Variants in NNT observed in about 807,000 individuals in gnomAD.
The protein encoded by NNT is nicotinamide nucleotide transhydrogenase, also known as NAD(P) transhydrogenase, mitochondrial.
A neutral mutation model predicts 104.8 loss-of-function variants in NNT; 50 were observed. That is an observed-to-expected ratio of 0.48 (90% CI 0.38 to 0.60). The LOEUF (loss-of-function observed/expected upper bound fraction) is 0.60, where lower values mean the gene tolerates loss of function less well. Ranked by LOEUF, NNT falls within the 20% of genes least tolerant of loss-of-function variation. The probability of loss-of-function intolerance (pLI) is 0.00; values close to 1 mark genes in which losing one functional copy is unlikely to be tolerated. For synonymous variants in NNT, 461 were observed against 490.4 expected (o/e 0.94, Z 0.79); for missense variants, 1,131 against 1,330.7 (o/e 0.85, Z 2.33).
chr5:43,621,496 T>A (rs1436641314), intron 5 of NNT, among the ~76,000 whole-genome samples: 1 of 151,876 alleles, frequency 6.6e-6, no homozygotes, highest in East Asian at 1.9e-4. Flanking sequence ...CCAGTGGGGG[T>A]CATAGTGAGG....
chr5:43,679,012 A>G (rs1030937034), intron 19 of NNT, among the ~76,000 whole-genome samples: 1 of 152,182 alleles, frequency 6.6e-6, no homozygotes, highest in Admixed American at 6.5e-5. Flanking sequence ...TTCTGTGACA[A>G]GATTTTCATG....
At chr5:43,619,585 C>T (rs565832197) in intron 5 of NNT, among the ~76,000 whole-genome samples, 37 of 152,012 alleles carry the variant, frequency 2.4e-4, no homozygotes, top group Non-Finnish European at 4.3e-4. Context: ...GAAATGGTGC[C>T]AGTTTCTTTA....
At chr5:43,666,411 C>T (rs61898869) in intron 17 of NNT, among the ~76,000 whole-genome samples, 4 of 152,272 alleles carry the variant, frequency 2.6e-5, no homozygotes, top group Admixed American at 1.3e-4. Flanking sequence ...GCCAACACGG[C>T]GAAACCCCGT....
chr5:43,633,532 C>CT (rs749431671), intron 7 of NNT, among the ~76,000 whole-genome samples: 22 of 152,172 alleles, frequency 1.4e-4, no homozygotes, highest in Non-Finnish European at 3.1e-4. Flanking sequence ...CAGTAGTGTT[C>CT]TTTTTTCTTT....
chr5:43,652,923 G>A, intron 13 of NNT, 95 bp from the exon 14 acceptor site: 5 of 884,424 alleles, frequency 5.7e-6, no homozygotes, highest in Non-Finnish European at 8.5e-6. Flanking sequence ...TATTTAATAT[G>A]TTAATATTCC....
chr5:43,635,804 C>T (rs1165196439), intron 7 of NNT, among the ~76,000 whole-genome samples: 4 of 152,094 alleles, frequency 2.6e-5, no homozygotes, highest in East Asian at 1.9e-4. Context: ...AGGGCCCACC[C>T]TAATAGACTC....
chr5:43,677,618 A>T, intron 18 of NNT, 107 bp from the exon 19 acceptor site: 1 of 942,536 alleles, frequency 1.1e-6, no homozygotes. Context: ...CTGTTAAATG[A>T]TTGCCTCTGT....
At chr5:43,670,896 C>T (rs889639496) in intron 17 of NNT, among the ~76,000 whole-genome samples, 38 of 152,110 alleles carry the variant, frequency 2.5e-4, no homozygotes, top group African/African-American at 3.6e-4. Context: ...TAAAGTCTTC[C>T]GTTATTATTG....
intron 7 of NNT, among the ~76,000 whole-genome samples, chr5:43,643,082 G>A (rs994886566): frequency 5.3e-5 from 8 of 151,910 alleles, no homozygotes; most frequent in Admixed American, 1.3e-4. Flanking sequence ...GTGCCACCAC[G>A]TCCAGCTAAG....
At position 43,644,092 on chromosome 5, in the gene NNT, A is replaced by T. The variant is rs149598851; in HGVS notation, c.965-100A>T. The stretch of plus-strand genomic sequence containing the variant: ...CTCTTGGAAAGAGTTAAAATTTCAG[A>T]TGTTAAATTCCTGAATGCCCAGAGA... On this transcript the variant is annotated intron_variant, in intron 7 of 21. Transcript: ENST00000344920. 1.2e-4 allele frequency: 141 copies of T among 1,132,524 alleles called. No homozygotes were observed. The African/African-American group carries it at 2.0e-3, about 16-fold the overall frequency. 70.2% of individuals were successfully genotyped at this position (1,132,524 alleles called of 1,614,324 possible). A position where few individuals can be genotyped will look rare whatever the true frequency, so the allele number is the denominator to read the frequency against.
intron 17 of NNT, among the ~76,000 whole-genome samples, chr5:43,661,798 T>A (rs1289409125): frequency 6.6e-6 from 1 of 152,060 alleles, no homozygotes; most frequent in Admixed American, 6.5e-5. Flanking sequence ...ATTTTCTTAA[T>A]CCAGTCTATC....
chr5:43,668,702 G>A (rs946612641), intron 17 of NNT, among the ~76,000 whole-genome samples: 2 of 152,214 alleles, frequency 1.3e-5, no homozygotes, highest in African/African-American at 4.8e-5. Flanking sequence ...ATAGTTTGAA[G>A]TCAGGTAGCA....
At chr5:43,620,774 A>T (rs1750044575) in intron 5 of NNT, among the ~76,000 whole-genome samples, 2 of 152,226 alleles carry the variant, frequency 1.3e-5, no homozygotes, top group Admixed American at 6.5e-5. Context: ...TCATACAAAA[A>T]TGTCTGGCAT....
intron 7 of NNT, 49 bp downstream of exon 7, chr5:43,628,436 T>G (rs1420969444): frequency 7.0e-7 from 1 of 1,420,032 alleles, no homozygotes; most frequent in Admixed American, 2.4e-5. Flanking sequence ...TACTCTTTTT[T>G]TTTAAAAAAA....
Position 43,615,916 on chromosome 5 carries a change from G to T in NNT, c.450G>T (p.Thr150=), listed in dbSNP as rs376583752. Residue 150 remains threonine (T), a synonymous_variant, in exon 4 of 22, where the codon ACG becomes ACT. Transcript: ENST00000344920. ...CTGACCTTTTAAAGACATCAGGAAC[G>T]CTGATTAGTTTTATTTACCCAGCCC... ...HEADLLKTSG[T]LISFIYPAQN... 2.2e-5 allele frequency: 35 copies of T among 1,614,096 alleles called. No individual in the cohort carries two copies. The highest frequency in any genetic ancestry group is 2.8e-5 in the Non-Finnish European group (33 of 1,180,002).
At chr5:43,697,539 C>T (rs914747538) in intron 19 of NNT, among the ~76,000 whole-genome samples, 9 of 152,186 alleles carry the variant, frequency 5.9e-5, no homozygotes, top group African/African-American at 1.9e-4. Flanking sequence ...TTTTCAGCAG[C>T]ACCTTACACC....
At chr5:43,654,056 C>T (rs1385512474) in intron 14 of NNT, among the ~76,000 whole-genome samples, 1 of 151,414 alleles carries the variant, frequency 6.6e-6, no homozygotes, top group African/African-American at 2.4e-5. Flanking sequence ...GAATCAGAAA[C>T]AAAGTTAATA....
chr5:43,648,788 C>T (rs2111869601), intron 10 of NNT, among the ~76,000 whole-genome samples: 1 of 152,170 alleles, frequency 6.6e-6, no homozygotes, highest in Admixed American at 6.5e-5. Context: ...CTCTGTAGGC[C>T]TGTAATCGGG....
intron 7 of NNT, among the ~76,000 whole-genome samples, chr5:43,639,612 C>T (rs775734788): frequency 6.6e-6 from 1 of 152,092 alleles, no homozygotes; most frequent in Non-Finnish European, 1.5e-5. Flanking sequence ...TTTCTTCCTC[C>T]ATCCACCCTG....
Sources: allele counts gnomAD v4.1 joint callset (sites outside exome capture counted in the v4.1 genomes callset), GRCh38; gene constraint gnomAD v4.1.1; transcripts MANE v1.5; gene names NCBI Gene and HGNC (gene_info 2026-07-23, HGNC 2026-07-21).